POFUT3: variants seen among roughly 807,000 people sequenced by gnomAD.
POFUT3 encodes GDP-fucose protein O-fucosyltransferase 3.
the POFUT3 span, among the ~76,000 whole-genome samples, chr8:33,396,845 C>G: frequency 6.6e-6 from 1 of 152,160 alleles, no homozygotes; most frequent in Non-Finnish European, 1.5e-5. Flanking sequence ...TCACAAATGA[C>G]AAATCCTCTC....
At chr8:33,453,217 A>G in the POFUT3 span, 1 of 1,613,906 alleles carries the variant, frequency 6.2e-7, no homozygotes, top group South Asian at 1.1e-5. Flanking sequence ...CCTGCTTACC[A>G]TAGAAGAGGA....
the POFUT3 span, among the ~76,000 whole-genome samples, chr8:33,423,552 G>C: frequency 6.6e-6 from 1 of 152,080 alleles, no homozygotes; most frequent in African/African-American, 2.4e-5. Flanking sequence ...TTACAGGTGT[G>C]AGCCACCATT....
chr8:33,342,630 A>G, the POFUT3 span, among the ~76,000 whole-genome samples: 1 of 152,216 alleles, frequency 6.6e-6, no homozygotes, highest in Non-Finnish European at 1.5e-5. Flanking sequence ...CACATGTATC[A>G]GGATGGCCAA....
At chr8:33,437,156 A>G in the POFUT3 span, among the ~76,000 whole-genome samples, 4 of 152,122 alleles carry the variant, frequency 2.6e-5, no homozygotes, top group East Asian at 1.9e-4. Flanking sequence ...TCTTTATCCA[A>G]TCCTCCATTG....
the POFUT3 span, among the ~76,000 whole-genome samples, chr8:33,313,389 A>G: frequency 2.6e-5 from 4 of 152,046 alleles, no homozygotes; most frequent in Non-Finnish European, 5.9e-5. Flanking sequence ...TTTCTCTTCT[A>G]TTTCCATGAG....
chr8:33,456,777 T>C, the POFUT3 span, among the ~76,000 whole-genome samples: 1 of 149,388 alleles, frequency 6.7e-6, no homozygotes, highest in Non-Finnish European at 1.5e-5. Flanking sequence ...TTTTCTTTTT[T>C]TTTTTTTTTT....
At chr8:33,313,296 C>T in the POFUT3 span, among the ~76,000 whole-genome samples, 5 of 152,120 alleles carry the variant, frequency 3.3e-5, no homozygotes, top group African/African-American at 4.8e-5. Context: ...CTTGCACAAA[C>T]GCTATTTATT....
At chr8:33,413,379 C>T in the POFUT3 span, among the ~76,000 whole-genome samples, 1 of 152,098 alleles carries the variant, frequency 6.6e-6, no homozygotes, top group Admixed American at 6.6e-5. Flanking sequence ...CTCTCTCTCT[C>T]TCCCCCTCTG....
chr8:33,331,056 G>C, the POFUT3 span, among the ~76,000 whole-genome samples: 1 of 152,012 alleles, frequency 6.6e-6, no homozygotes, highest in African/African-American at 2.4e-5. Flanking sequence ...ATAATACTGA[G>C]TAGGGCTGGG....
chr8:33,316,549 C>T, the POFUT3 span, among the ~76,000 whole-genome samples: 52 of 146,470 alleles, frequency 3.6e-4, no homozygotes, highest in South Asian at 0.012. Flanking sequence ...GGCAAAACCC[C>T]ATCTCTACTA....
At chr8:33,461,790 G>T in the POFUT3 span, 1 of 583,192 alleles carries the variant, frequency 1.7e-6, no homozygotes, top group Non-Finnish European at 2.6e-6. Context: ...GCAGCAGGGT[G>T]ATCATGAAAA....
At chr8:33,452,345 C>T in the POFUT3 span, 1 of 152,014 alleles carries the variant, frequency 6.6e-6, no homozygotes, top group African/African-American at 2.4e-5. Context: ...GCATAGTATT[C>T]CACTGAATTT....
At chr8:33,319,593 T>A in the POFUT3 span, among the ~76,000 whole-genome samples, 3 of 1,376 alleles carry the variant, frequency 2.2e-3, no homozygotes, top group Admixed American at 4.5e-3. Context: ...AAATATATAT[T>A]TTATATGTAT....
the POFUT3 span, among the ~76,000 whole-genome samples, chr8:33,457,647 C>T: frequency 5.7e-4 from 87 of 151,942 alleles, no homozygotes; most frequent in African/African-American, 2.0e-3. Flanking sequence ...TTTCAAAGTT[C>T]CTAGCTCCAA....
At chr8:33,437,090 C>T in the POFUT3 span, among the ~76,000 whole-genome samples, 2 of 152,216 alleles carry the variant, frequency 1.3e-5, no homozygotes, top group South Asian at 4.1e-4. Context: ...CTGTGGAGGA[C>T]ATGATTTTGC....
the POFUT3 span, among the ~76,000 whole-genome samples, chr8:33,341,400 A>C: frequency 6.0e-5 from 9 of 149,666 alleles, no homozygotes; most frequent in Admixed American, 3.4e-4. Flanking sequence ...GCACCACTGC[A>C]CTCCAGCCTG....
At chr8:33,462,880 G>C in the POFUT3 span, among the ~76,000 whole-genome samples, 2 of 151,674 alleles carry the variant, frequency 1.3e-5, no homozygotes, top group African/African-American at 2.4e-5. Context: ...GCAGTAAGCC[G>C]TGACTGCACC....
the POFUT3 span, among the ~76,000 whole-genome samples, chr8:33,347,769 A>G: frequency 6.6e-6 from 1 of 152,224 alleles, no homozygotes; most frequent in Non-Finnish European, 1.5e-5. Context: ...AAAACTTACA[A>G]TGTAATACAT....
At chr8:33,344,827 G>A in the POFUT3 span, among the ~76,000 whole-genome samples, 22 of 152,334 alleles carry the variant, frequency 1.4e-4, no homozygotes, top group South Asian at 1.9e-3. Flanking sequence ...GCAACTTGCC[G>A]AATCCCTTGC....
Sources: gnomAD v4.1 joint callset for allele counts (sites outside exome capture counted in the v4.1 genomes callset) on GRCh38, gnomAD v4.1.1 for gene constraint, MANE v1.5 for transcripts, NCBI Gene and HGNC (gene_info 2026-07-23, HGNC 2026-07-21) for gene names.